Variants in ABLIM1 observed in about 807,000 individuals in gnomAD.
The protein encoded by ABLIM1 is actin binding LIM protein 1.
ABLIM1 carries 40 observed loss-of-function variants against 107.0 expected under a neutral mutation model. The observed-to-expected ratio is 0.37, with a 90% CI of 0.29 to 0.49. ABLIM1 has a LOEUF of 0.49. Ranked by LOEUF, ABLIM1 falls within the 20% of genes least tolerant of loss-of-function variation. The pLI is 0.97. For synonymous variants in ABLIM1, 357 were observed against 357.3 expected, an observed-to-expected ratio of 1.00 and a Z score of 0.01; for missense variants, 857 against 1,008.5, an observed-to-expected ratio of 0.85 and a Z score of 2.04.
At chr10:114,732,860 T>C (rs1483741447) in intron 1 of ABLIM1, among the ~76,000 whole-genome samples, 1 of 152,180 alleles carries the variant, frequency 6.6e-6, no homozygotes. Context: ...AACACAAAAC[T>C]AAAGAAGATA....
intron 1 of ABLIM1, among the ~76,000 whole-genome samples, chr10:114,679,266 T>C (rs1164175533): frequency 6.6e-6 from 1 of 152,214 alleles, no homozygotes; most frequent in Non-Finnish European, 1.5e-5. Context: ...GTGTGCTGCC[T>C]GCTCTTCTGA....
intron 1 of ABLIM1, among the ~76,000 whole-genome samples, chr10:114,728,719 G>A (rs2142125156): frequency 6.6e-6 from 1 of 152,184 alleles, no homozygotes; most frequent in East Asian, 1.9e-4. Flanking sequence ...CTAAAAGCAT[G>A]ATAGTGAGAA....
Position 114,446,561 on chromosome 10 carries a change from C to T in ABLIM1, c.1736-1158G>A, listed in dbSNP as rs186356332. Reference sequence around the variant, plus strand: ...CTAATCTAATCAAAATAAACTTTAACTAATAGTCTTAGTTTTCAGCATTTT... The same window carrying T: ...CTAATCTAATCAAAATAAACTTTAATTAATAGTCTTAGTTTTCAGCATTTT... On this transcript the variant is annotated intron_variant, in intron 15 of 22. Transcript: ENST00000533213. Among the ~76,000 whole-genome samples the T allele has an allele frequency of 1.8e-4, 28 of 152,278 alleles. No individual in the cohort carries two copies. In the East Asian group the frequency reaches 5.4e-3, roughly 29 times the overall value.
intron 6 of ABLIM1, among the ~76,000 whole-genome samples, chr10:114,497,681 C>CAAAAAAAA (rs576676119): frequency 1.3e-5 from 1 of 75,562 alleles, no homozygotes; most frequent in Non-Finnish European, 2.5e-5. Context: ...GATTCTGTCT[C>CAAAAAAAA]AAAAAAAAAA....
At chr10:114,572,676 T>A (rs970270469) in intron 3 of ABLIM1, among the ~76,000 whole-genome samples, 2 of 152,208 alleles carry the variant, frequency 1.3e-5, no homozygotes, top group Non-Finnish European at 2.9e-5. Context: ...GTTTTATTTT[T>A]AAGAATCAAA....
rs541795616 is a variant in ABLIM1 at position 114,488,148 on chromosome 10, G to C, written c.983-132C>G. The C allele has an allele frequency of 3.5e-5, 34 of 957,846 alleles. No individual in the cohort carries two copies. In the East Asian group the frequency reaches 7.5e-4, roughly 21 times the overall value. The allele number at this position is 957,846 out of a possible 1,614,324, so 59.3% of individuals were successfully genotyped here. ...GAAGGTGTTATTGCTTTATGTCCAA[G>C]TGAATCATAACACAAAAATCAGACA... On this transcript the variant is annotated intron_variant, in intron 7 of 22. Transcript: ENST00000533213.
chr10:114,689,132 G>A (rs546938603), upstream of ABLIM1, among the ~76,000 whole-genome samples: 8 of 152,252 alleles, frequency 5.3e-5, no homozygotes, highest in Non-Finnish European at 1.2e-4. Flanking sequence ...CATGGCTACT[G>A]TACAGGGCAG....
At chr10:114,731,687 G>A (rs1342916586) in intron 1 of ABLIM1, among the ~76,000 whole-genome samples, 1 of 151,474 alleles carries the variant, frequency 6.6e-6, no homozygotes, top group Non-Finnish European at 1.5e-5. Context: ...TTGGCTCACT[G>A]CAACCTCCAC....
chr10:114,658,250 A>G lies in ABLIM1; in HGVS notation c.-50T>C. ...AGAAATGGGGAGTGGGGACCCAAGG[A>G]GCGGTGCTGCCCCACAATTCTCTCT... On this transcript the variant is annotated 5_prime_UTR_variant, in exon 1 of 23. Transcript: ENST00000533213. 1 of 1,564,252 alleles carries G rather than the reference A, an allele frequency of 6.4e-7. No homozygotes were observed. Among genetic ancestry groups the G allele is most frequent in the South Asian group, 1.2e-5 (1 of 82,286 alleles).
intron 1 of ABLIM1, among the ~76,000 whole-genome samples, chr10:114,677,464 G>A (rs1291019087): frequency 6.6e-6 from 1 of 152,122 alleles, no homozygotes; most frequent in Non-Finnish European, 1.5e-5. Flanking sequence ...CTGTATCTGG[G>A]TTTAATCAGC....
intron 1 of ABLIM1, among the ~76,000 whole-genome samples, chr10:114,729,413 CT>C (rs1170444974): frequency 6.6e-6 from 1 of 152,114 alleles, no homozygotes; most frequent in African/African-American, 2.4e-5. Flanking sequence ...GGCTTCTGGT[CT>C]CTCATGACCA....
chr10:114,625,808 T>A lies in ABLIM1; in HGVS notation c.245-23847A>T, dbSNP rs188245218. 2.1e-3 allele frequency among the ~76,000 whole-genome samples: 315 copies of A among 152,274 alleles called. 3 individuals are homozygous for A. Among genetic ancestry groups the A allele is most frequent in the African/African-American group, 7.1e-3 (293 of 41,550 alleles). ...AAAAATGGATAGAAAATTTAGCTTT[T>A]CTACATGCTAGCTAAGTGATCTCTG... On this transcript the variant is annotated intron_variant, in intron 1 of 22. Transcript: ENST00000533213.
rs1014640149 is a variant in ABLIM1 at position 114,488,035 on chromosome 10, C to T, written c.983-19G>A. ...GTGGAGCCTGAGAAGACAGAATGCA[C>T]TACTAAGAGCCAGGAAAATGGAAAG... is the stretch of plus-strand genomic sequence containing the variant. On this transcript the variant is annotated intron_variant, in intron 7 of 22. Transcript: ENST00000533213. The T allele has an allele frequency of 1.2e-6, 2 of 1,613,890 alleles. No individual in the cohort carries two copies. The highest frequency in any genetic ancestry group is 4.5e-5 in the East Asian group (2 of 44,866).
At chr10:114,562,277 C>A (rs2069838324) in intron 4 of ABLIM1, among the ~76,000 whole-genome samples, 1 of 152,198 alleles carries the variant, frequency 6.6e-6, no homozygotes, top group African/African-American at 2.4e-5. Flanking sequence ...CGCCTGTAAT[C>A]CCAGCACTTT....
At chr10:114,526,694 C>T (rs945995388) in intron 6 of ABLIM1, 2 of 985,412 alleles carry the variant, frequency 2.0e-6, no homozygotes, top group African/African-American at 1.7e-5. Context: ...TAATTCTGTT[C>T]CTTGGCTGTG....
intron 1 of ABLIM1, among the ~76,000 whole-genome samples, chr10:114,642,264 A>G (rs2497689): frequency 0.015 from 2,235 of 152,278 alleles, 47 homozygotes; most frequent in African/African-American, 0.051. Context: ...CTGCTGCTCT[A>G]TGGAAACTAG....
intron 12 of ABLIM1, among the ~76,000 whole-genome samples, chr10:114,458,123 T>C (rs1565342277): frequency 2.9e-5 from 4 of 138,884 alleles, no homozygotes; most frequent in African/African-American, 8.4e-5. Context: ...TGTGCGCACA[T>C]AATACAATAG....
intron 14 of ABLIM1, among the ~76,000 whole-genome samples, chr10:114,448,546 T>C (rs985941349): frequency 2.2e-4 from 34 of 152,224 alleles, no homozygotes; most frequent in Non-Finnish European, 3.4e-4. Context: ...CATTAGAGGG[T>C]TGGCGGGCTT....
At chr10:114,496,562 G>T (rs548465956) in intron 6 of ABLIM1, among the ~76,000 whole-genome samples, 1 of 152,158 alleles carries the variant, frequency 6.6e-6, no homozygotes, top group South Asian at 2.1e-4. Flanking sequence ...TTAATACCTA[G>T]GTGATGGGTT....
Sources: gnomAD v4.1 joint callset for allele counts (sites outside exome capture counted in the v4.1 genomes callset) on GRCh38, gnomAD v4.1.1 for gene constraint, MANE v1.5 for transcripts, NCBI Gene and HGNC (gene_info 2026-07-23, HGNC 2026-07-21) for gene names.